The following ZNF407 variants were observed in gnomAD, a reference collection of about 807,000 sequenced individuals.
ZNF407 encodes zinc finger protein 407.
Under a neutral mutation model 131.2 loss-of-function variants are expected in ZNF407, and 17 were observed. That is an observed-to-expected ratio of 0.13 (90% confidence interval 0.09 to 0.19). The LOEUF (loss-of-function observed/expected upper bound fraction) is 0.19. Among genes scored for constraint, ZNF407 ranks in the 10% least tolerant of loss-of-function variants. ZNF407 has a pLI of 1.00. For synonymous variants in ZNF407, 1,156 were observed against 1,062.0 expected (o/e 1.09, Z -1.72); for missense variants, 2,681 against 2,830.6 (o/e 0.95, Z 1.20).
chr18:74,954,579 AT>A (rs555853552), intron 8 of ZNF407, among the ~76,000 whole-genome samples: 264 of 152,172 alleles, frequency 1.7e-3, no homozygotes, highest in African/African-American at 6.0e-3. Flanking sequence ...ACTAGTCATA[AT>A]TTTTTTTCAA....
intron 1 of ZNF407, among the ~76,000 whole-genome samples, chr18:74,606,405 A>G (rs1219766677): frequency 6.6e-6 from 1 of 152,150 alleles, no homozygotes; most frequent in Non-Finnish European, 1.5e-5. Flanking sequence ...ATATTTTTCA[A>G]AAAATATATT....
At chr18:74,912,731 C>T (rs1459241254) in intron 7 of ZNF407, among the ~76,000 whole-genome samples, 3 of 151,652 alleles carry the variant, frequency 2.0e-5, no homozygotes, top group African/African-American at 7.3e-5. Context: ...AACAACAGAG[C>T]AAAATTATCA....
chr18:74,644,815 T>C (rs577211536), intron 3 of ZNF407, among the ~76,000 whole-genome samples: 1 of 152,110 alleles, frequency 6.6e-6, no homozygotes, highest in Admixed American at 6.5e-5. Context: ...ATTTCTTTTC[T>C]ATATTTCTCC....
At chr18:74,971,123 T>C (rs2145303366) in intron 8 of ZNF407, among the ~76,000 whole-genome samples, 1 of 152,302 alleles carries the variant, frequency 6.6e-6, no homozygotes, top group African/African-American at 2.4e-5. Flanking sequence ...ACCAAGTCCC[T>C]AGGCTGCACA....
chr18:74,629,343 A>G (rs1176666787), intron 1 of ZNF407, among the ~76,000 whole-genome samples: 1 of 152,108 alleles, frequency 6.6e-6, no homozygotes, highest in South Asian at 2.1e-4. Flanking sequence ...TATTATGTAT[A>G]TTTTCTATGA....
intron 3 of ZNF407, among the ~76,000 whole-genome samples, chr18:74,692,998 C>T (rs964064317): frequency 3.3e-5 from 5 of 152,234 alleles, no homozygotes; most frequent in African/African-American, 4.8e-5. Flanking sequence ...TCTTTCTCAT[C>T]TGTGCCAGTA....
intron 7 of ZNF407, among the ~76,000 whole-genome samples, chr18:74,911,367 A>T (rs1971667787): frequency 6.6e-6 from 1 of 152,222 alleles, no homozygotes; most frequent in East Asian, 1.9e-4. Context: ...GAGTTCTCAA[A>T]AAAATCTTGT....
chr18:74,980,067 G>C (rs539940062), intron 8 of ZNF407, among the ~76,000 whole-genome samples: 1 of 151,650 alleles, frequency 6.6e-6, no homozygotes, highest in Non-Finnish European at 1.5e-5. Context: ...ATAAAGGGTC[G>C]TGTTCTTGCG....
At chr18:74,736,465 C>T (rs1422141963) in intron 3 of ZNF407, among the ~76,000 whole-genome samples, 4 of 152,098 alleles carry the variant, frequency 2.6e-5, no homozygotes, top group Non-Finnish European at 5.9e-5. Flanking sequence ...TTGCTTTAGA[C>T]TTATTACCTA....
chr18:74,989,057 A>C (rs1599281236), intron 8 of ZNF407, among the ~76,000 whole-genome samples: 1 of 152,236 alleles, frequency 6.6e-6, no homozygotes, highest in Non-Finnish European at 1.5e-5. Flanking sequence ...CAAGTAATCG[A>C]AAGTTAGAAA....
chr18:74,964,489 A>G (rs1479628817), intron 8 of ZNF407, among the ~76,000 whole-genome samples: 1 of 152,054 alleles, frequency 6.6e-6, no homozygotes, highest in Non-Finnish European at 1.5e-5. Context: ...TATGTATAAT[A>G]CAATCAAAAT....
intron 3 of ZNF407, among the ~76,000 whole-genome samples, chr18:74,676,555 A>G (rs181845765): frequency 0.064 from 9,581 of 150,398 alleles, 332 homozygotes; most frequent in African/African-American, 0.097. Flanking sequence ...TCCTGCCTCA[A>G]CCTCCCGAGT....
intron 4 of ZNF407, among the ~76,000 whole-genome samples, chr18:74,789,392 A>G (rs1215033778): frequency 6.6e-6 from 1 of 152,046 alleles, no homozygotes; most frequent in Non-Finnish European, 1.5e-5. Flanking sequence ...AAGGTAGAGA[A>G]CTAAGATCCC....
At chr18:74,866,987 GAAAAAA>G (rs35418996) in intron 4 of ZNF407, among the ~76,000 whole-genome samples, 7 of 62,786 alleles carry the variant, frequency 1.1e-4, no homozygotes, top group African/African-American at 4.5e-4. Context: ...GTGTCTACCC[GAAAAAA>G]AAAAAAAAAA....
chr18:74,755,592 T>G (rs1323586391), intron 3 of ZNF407, among the ~76,000 whole-genome samples: 2 of 123,996 alleles, frequency 1.6e-5, no homozygotes, highest in Non-Finnish European at 3.4e-5. Flanking sequence ...GTTTTTTTTT[T>G]TTTTTTTTTT....
intron 4 of ZNF407, among the ~76,000 whole-genome samples, chr18:74,782,661 C>G (rs1016200396): frequency 3.9e-5 from 6 of 152,140 alleles, no homozygotes; most frequent in African/African-American, 1.4e-4. Flanking sequence ...CCTCTGTCGC[C>G]CAGGCTGGAG....
At chr18:74,876,336 G>T (rs1409712298) in intron 4 of ZNF407, among the ~76,000 whole-genome samples, 1 of 152,186 alleles carries the variant, frequency 6.6e-6, no homozygotes, top group Non-Finnish European at 1.5e-5. Context: ...ATTAACTGGA[G>T]AGTATTTTAT....
chr18:74,919,757 C>G (rs985647730), intron 7 of ZNF407, among the ~76,000 whole-genome samples: 1 of 152,186 alleles, frequency 6.6e-6, no homozygotes, highest in African/African-American at 2.4e-5. Flanking sequence ...AAGGATCTGA[C>G]AGGGATGAAA....
chr18:74,633,247 C>T lies in ZNF407; in HGVS notation c.2228C>T (p.Ser743Leu). ...HFLCKACNLY[S>L]LSKEGMEKHI... ...CTTTGTAAAGCTTGTAATCTTTATTCATTGAGCAAAGAAGGAATGGAGAAA... is the reference window on the plus strand; with the variant it reads ...CTTTGTAAAGCTTGTAATCTTTATTTATTGAGCAAAGAAGGAATGGAGAAA... Residue 743 changes from serine to leucine, a missense_variant, in exon 2 of 9, where the codon TCA (serine) becomes TTA (leucine). This residue lies in a region of ZNF407 where 1,789 missense variants were observed against 1,748.7 expected (regional missense o/e 1.02). Coordinates refer to ENST00000299687, the MANE Select transcript of ZNF407 (RefSeq NM_017757.3). The T allele has an allele frequency of 6.2e-7, 1 of 1,613,584 alleles. No individual in the cohort carries two copies. Among genetic ancestry groups the T allele is most frequent in the Non-Finnish European group, 8.5e-7 (1 of 1,179,808 alleles).
Sources: gnomAD v4.1 joint callset for allele counts (sites outside exome capture counted in the v4.1 genomes callset) on GRCh38, gnomAD v4.1.1 for gene constraint, gnomAD v4.1.1 regional missense constraint, MANE v1.5 for transcripts, NCBI Gene and HGNC (gene_info 2026-07-23, HGNC 2026-07-21) for gene names.